Variants in MEGF6 observed in about 807,000 individuals in gnomAD.
MEGF6 encodes the protein multiple EGF like domains 6.
In MEGF6, 184 loss-of-function variants were observed where a neutral mutation model predicts 207.1. The observed-to-expected ratio is 0.89, with a 90% CI of 0.79 to 1.00. MEGF6 has a LOEUF of 1.00. Ranked by LOEUF, MEGF6 falls within the 50% of genes least tolerant of loss-of-function variation. The pLI is 0.00. For synonymous variants in MEGF6, 1,038 were observed against 910.0 expected (o/e 1.14, Z -2.53); for missense variants, 2,282 against 2,202.9 (o/e 1.04, Z -0.72).
chr1:3,543,569 C>T lies in MEGF6; in HGVS notation c.482-19323G>A, dbSNP rs188615050. Reference sequence around the variant, plus strand: ...ACGCAGAGCTGGGGGTGAGAACCCCCGGGCGGGAGGCGGGGCGAGGCCAGG... The same window carrying T: ...ACGCAGAGCTGGGGGTGAGAACCCCTGGGCGGGAGGCGGGGCGAGGCCAGG... On this transcript the variant is annotated intron_variant, in intron 4 of 36. Transcript: ENST00000356575. Among the ~76,000 whole-genome samples the T allele has an allele frequency of 3.3e-5, 5 of 152,296 alleles. No homozygotes were observed. In the East Asian group the frequency reaches 7.7e-4, roughly 24 times the overall value.
At chr1:3,608,236 G>A (rs570667434) in intron 1 of MEGF6, among the ~76,000 whole-genome samples, 4 of 152,088 alleles carry the variant, frequency 2.6e-5, no homozygotes, top group Admixed American at 1.3e-4. Context: ...GGGGCCCCTC[G>A]GACTCTCAGG....
chr1:3,566,000 A>C lies in MEGF6; in HGVS notation c.481+13825T>G, dbSNP rs933230490. On this transcript the variant is annotated intron_variant, in intron 4 of 36. Coordinates refer to ENST00000356575, the MANE Select transcript of MEGF6 (RefSeq NM_001409.4). This position sits in a 1 kb window ranked among gnomAD's most constrained non-coding sequence, Gnocchi z 4.8. ...TGCAGGTTCATAGAGCCCTGATCCC[A>C]CCACGGTGGGTGACCTCCCCCAGCG... Among the ~76,000 whole-genome samples the C allele has an allele frequency of 6.6e-6, 1 of 152,184 alleles. No individual in the cohort carries two copies. Among genetic ancestry groups the C allele is most frequent in the Non-Finnish European group, 1.5e-5 (1 of 68,024 alleles).
chr1:3,604,382 T>C (rs1289591459), intron 1 of MEGF6, among the ~76,000 whole-genome samples: 3 of 152,024 alleles, frequency 2.0e-5, no homozygotes, highest in Non-Finnish European at 4.4e-5. Flanking sequence ...ATAAGCAGGG[T>C]CCAGGTTCCC....
At position 3,509,557 on chromosome 1, in the gene MEGF6, GACA is replaced by G. The variant is rs562898101; in HGVS notation, c.1357+310_1357+312del. Among the ~76,000 whole-genome samples, 188 of 152,300 alleles carry G rather than the reference GACA, an allele frequency of 1.2e-3. 1 individual carries two copies. Among genetic ancestry groups the G allele is most frequent in the Non-Finnish European group, 2.1e-3 (141 of 68,008 alleles). On this transcript the variant is annotated intron_variant, in intron 11 of 36. Transcript: ENST00000356575. ...GGGAGCAGCTGCCATCAGTCCCAGG[GACA>G]ACATCACCTTAGGTCTTGGTCCCTT... is the stretch of plus-strand genomic sequence containing the variant.
Position 3,511,565 on chromosome 1 carries a change from G to T in MEGF6, c.1099C>A (p.Gln367Lys). The T allele has an allele frequency of 6.2e-7, 1 of 1,610,594 alleles. No homozygotes were observed. Among genetic ancestry groups the T allele is most frequent in the Admixed American group, 1.7e-5 (1 of 59,922 alleles). ...CPRGYELDTD[Q>K]RTCIDVDDCA... ...CAGTGCGCACCGATGCAGGTCCTCT[G>T]ATCTGTGTCCAGCTCGTAGCCGCGG... is the stretch of plus-strand genomic sequence containing the variant. Residue 367 changes from glutamine to lysine, a missense_variant, in exon 9 of 37, where the codon CAG (glutamine) becomes AAG (lysine). Transcript: ENST00000356575.
At chr1:3,530,553 G>C (rs56103034) in intron 4 of MEGF6, among the ~76,000 whole-genome samples, 20,955 of 152,208 alleles carry the variant, frequency 0.14, 1,628 homozygotes, top group East Asian at 0.35. Context: ...TGCAGAGAGA[G>C]GCAGGACGGA....
chr1:3,614,346 G>A (rs541501126), upstream of MEGF6, among the ~76,000 whole-genome samples: 5 of 152,312 alleles, frequency 3.3e-5, no homozygotes, highest in South Asian at 2.1e-4. Flanking sequence ...CAAGACAGCC[G>A]AGCGCCAAAG....
chr1:3,569,797 G>GC (rs903500988), intron 4 of MEGF6, among the ~76,000 whole-genome samples: 40 of 152,308 alleles, frequency 2.6e-4, no homozygotes, highest in Admixed American at 2.1e-3. Context: ...GCCTACAGAA[G>GC]CCCCCCACCC....
At chr1:3,549,099 C>T (rs1054506652) in intron 4 of MEGF6, among the ~76,000 whole-genome samples, 5 of 152,100 alleles carry the variant, frequency 3.3e-5, no homozygotes, top group African/African-American at 7.3e-5. Context: ...CTAACATCCC[C>T]GTGGCTCCGC....
At chr1:3,572,982 C>CTCCTGGGTGTGCTGGGTCTT (rs1643550370) in intron 4 of MEGF6, among the ~76,000 whole-genome samples, 3 of 147,176 alleles carry the variant, frequency 2.0e-5, no homozygotes, top group Admixed American at 2.0e-4. Context: ...GTGCTGGGTT[C>CTCCTGGGTGTGCTGGGTCTT]TCCTGGGTGT....
At chr1:3,602,155 G>A (rs1390340655) in intron 2 of MEGF6, among the ~76,000 whole-genome samples, 1 of 152,162 alleles carries the variant, frequency 6.6e-6, no homozygotes, top group Admixed American at 6.5e-5. Context: ...CCCCTGGCAG[G>A]CTGAGACCAC....
rs140514726 is a variant in MEGF6 at position 3,547,974 on chromosome 1, G to A, written c.482-23728C>T. The stretch of plus-strand genomic sequence containing the variant: ...ACTTGAGGTGACGCAGGGACCAGGC[G>A]CCTCTGCCCACCCACCCCTGCTGAA... On this transcript the variant is annotated intron_variant, in intron 4 of 36. Coordinates refer to ENST00000356575, the MANE Select transcript of MEGF6 (RefSeq NM_001409.4). Among the ~76,000 whole-genome samples, 936 of 152,264 alleles carry A rather than the reference G, an allele frequency of 6.1e-3. 11 individuals carry two copies. Among genetic ancestry groups the A allele is most frequent in the African/African-American group, 0.022 (903 of 41,548 alleles).
At chr1:3,501,720 C>A in intron 18 of MEGF6, 76 bp downstream of exon 18, 1 of 1,539,588 alleles carries the variant, frequency 6.5e-7, no homozygotes, top group Non-Finnish European at 8.7e-7. Flanking sequence ...GGCTGGGGCC[C>A]CCACAGTTCA....
chr1:3,498,167 G>C (rs1640689772), intron 26 of MEGF6, among the ~76,000 whole-genome samples: 1 of 152,194 alleles, frequency 6.6e-6, no homozygotes, highest in Admixed American at 6.5e-5. Context: ...CAAAGCAGCA[G>C]CACTCTGTCC....
chr1:3,508,785 T>TA, intron 12 of MEGF6, 96 bp from the exon 13 acceptor site: 1 of 1,477,242 alleles, frequency 6.8e-7, no homozygotes, highest in Non-Finnish European at 9.2e-7. Flanking sequence ...GGAAGGGGCA[T>TA]AAGGGGCATC....
chr1:3,619,898 G>A, the MEGF6 span, among the ~76,000 whole-genome samples: 1 of 152,226 alleles, frequency 6.6e-6, no homozygotes, highest in Non-Finnish European at 1.5e-5. Flanking sequence ...ACAGGAAGCT[G>A]TGGGAAAGTT....
At chr1:3,491,775 TG>T (rs533521909) in intron 35 of MEGF6, among the ~76,000 whole-genome samples, 23,755 of 63,248 alleles carry the variant, frequency 0.38, 3,683 homozygotes, top group African/African-American at 0.55. Context: ...GGTGCGGGGG[TG>T]GGGGGGGGGG....
intron 11 of MEGF6, 117 bp from the exon 12 acceptor site, chr1:3,509,362 T>C: frequency 1.2e-6 from 1 of 824,830 alleles, no homozygotes; most frequent in Non-Finnish European, 1.7e-6. Context: ...ACCCTCCTAC[T>C]GCCTCCACTA....
intron 8 of MEGF6, 35 bp from the exon 9 acceptor site, chr1:3,511,722 G>A (rs1236421290): frequency 6.3e-7 from 1 of 1,584,520 alleles, no homozygotes; most frequent in South Asian, 1.1e-5. Context: ...GTATGGGATG[G>A]CGGCTAGGAT....
Sources: allele counts gnomAD v4.1 joint callset (sites outside exome capture counted in the v4.1 genomes callset), GRCh38; gene constraint gnomAD v4.1.1; non-coding constraint Gnocchi (gnomAD v3.1); transcripts MANE v1.5; gene names NCBI Gene and HGNC (gene_info 2026-07-23, HGNC 2026-07-21).